MAF: variants seen among roughly 807,000 people sequenced by gnomAD.
MAF encodes the protein MAF bZIP transcription factor.
In MAF, 10 loss-of-function variants were observed where a neutral mutation model predicts 22.0. The observed-to-expected ratio is 0.45, with a 90% CI of 0.28 to 0.77. The LOEUF is 0.77. MAF is among the 30% of genes least tolerant of loss of function. The pLI, the probability that MAF is intolerant of heterozygous loss-of-function variation, is 0.12. For synonymous variants in MAF, 337 were observed against 255.8 expected, an observed-to-expected ratio of 1.32 and a Z score of -3.03; for missense variants, 544 against 548.4, an observed-to-expected ratio of 0.99 and a Z score of 0.08.
At chr16:79,577,010 T>C in the MAF span, among the ~76,000 whole-genome samples, 1 of 152,238 alleles carries the variant, frequency 6.6e-6, no homozygotes, top group South Asian at 2.1e-4. Flanking sequence ...GTGCACCTGA[T>C]ACTTTACACA....
At chr16:79,428,328 G>A in the MAF span, among the ~76,000 whole-genome samples, 1 of 152,090 alleles carries the variant, frequency 6.6e-6, no homozygotes, top group East Asian at 1.9e-4. Flanking sequence ...CCCTGGGGGT[G>A]GCAAGCACAC....
the MAF span, among the ~76,000 whole-genome samples, chr16:79,570,056 A>G: frequency 7.5e-6 from 1 of 133,740 alleles, no homozygotes; most frequent in African/African-American, 2.8e-5. Context: ...TGATTTATCT[A>G]AATTTCTTCA....
the MAF span, among the ~76,000 whole-genome samples, chr16:79,495,549 C>T: frequency 6.6e-6 from 1 of 152,104 alleles, no homozygotes; most frequent in Admixed American, 6.5e-5. Flanking sequence ...GGTCAGAGAC[C>T]ACATATAGAT....
the MAF span, among the ~76,000 whole-genome samples, chr16:79,532,269 G>T: frequency 2.0e-5 from 3 of 152,174 alleles, no homozygotes; most frequent in Admixed American, 6.5e-5. Context: ...AGGCAGGAGG[G>T]TTGAGAACAA....
the MAF span, among the ~76,000 whole-genome samples, chr16:79,381,803 G>A: frequency 1.3e-5 from 2 of 152,260 alleles, no homozygotes; most frequent in Admixed American, 6.5e-5. Context: ...GAACACATTG[G>A]CCCTGATTGG....
the MAF span, among the ~76,000 whole-genome samples, chr16:79,462,156 C>T: frequency 6.6e-6 from 1 of 152,160 alleles, no homozygotes; most frequent in African/African-American, 2.4e-5. Context: ...AAAGTGATAC[C>T]GATAATAATG....
At chr16:79,350,715 G>C in the MAF span, among the ~76,000 whole-genome samples, 1 of 152,200 alleles carries the variant, frequency 6.6e-6, no homozygotes, top group Non-Finnish European at 1.5e-5. Context: ...GAGACCCTGG[G>C]TATGGGAGGG....
At chr16:79,465,260 C>T in the MAF span, among the ~76,000 whole-genome samples, 1 of 152,144 alleles carries the variant, frequency 6.6e-6, no homozygotes, top group East Asian at 1.9e-4. Context: ...TTTTCATTAC[C>T]TTTCTGGATG....
At chr16:79,596,752 T>G in intron 1 of MAF, 1 of 1,045,306 alleles carries the variant, frequency 9.6e-7, no homozygotes, top group Non-Finnish European at 1.2e-6. Context: ...AACTGTGGAT[T>G]TTTTTTTAAG....
At chr16:79,396,603 G>A in the MAF span, among the ~76,000 whole-genome samples, 1 of 152,150 alleles carries the variant, frequency 6.6e-6, no homozygotes, top group South Asian at 2.1e-4. Context: ...ACCTCTCTGA[G>A]GCTCAAGTCC....
the MAF span, among the ~76,000 whole-genome samples, chr16:79,395,968 G>C: frequency 6.6e-6 from 1 of 152,196 alleles, no homozygotes; most frequent in Non-Finnish European, 1.5e-5. Context: ...GGCATTTGGA[G>C]ACTGAATAAT....
chr16:79,563,521 A>G, the MAF span, among the ~76,000 whole-genome samples: 1 of 150,506 alleles, frequency 6.6e-6, no homozygotes, highest in Middle Eastern at 3.4e-3. Flanking sequence ...AAAAAAAAAG[A>G]TTTGTGAAAT....
the MAF span, among the ~76,000 whole-genome samples, chr16:79,289,457 G>A: frequency 6.6e-6 from 1 of 152,210 alleles, no homozygotes; most frequent in Admixed American, 6.5e-5. Flanking sequence ...CCCACCGTGA[G>A]AGAAGGCAGA....
chr16:79,472,621 G>T, the MAF span, among the ~76,000 whole-genome samples: 1 of 152,244 alleles, frequency 6.6e-6, no homozygotes, highest in Admixed American at 6.5e-5. Flanking sequence ...TGGAGGCAGA[G>T]AAGAAATGGG....
the MAF span, among the ~76,000 whole-genome samples, chr16:79,367,443 CAG>C: frequency 6.6e-6 from 1 of 152,154 alleles, no homozygotes; most frequent in African/African-American, 2.4e-5. Context: ...TGTCTGCAGT[CAG>C]AACAAATTCA....
the MAF span, among the ~76,000 whole-genome samples, chr16:79,207,448 C>T: frequency 6.6e-6 from 1 of 152,242 alleles, no homozygotes; most frequent in African/African-American, 2.4e-5. Flanking sequence ...CTTGGTGTTC[C>T]AAGCCTAATC....
At chr16:79,210,879 C>T in the MAF span, among the ~76,000 whole-genome samples, 31 of 152,306 alleles carry the variant, frequency 2.0e-4, no homozygotes, top group Middle Eastern at 3.4e-3. Flanking sequence ...CTCTTTGCAA[C>T]TTACATTTTG....
downstream of MAF, among the ~76,000 whole-genome samples, chr16:79,590,113 A>G (rs555228136): frequency 1.2e-3 from 186 of 152,210 alleles, 1 homozygote; most frequent in Non-Finnish European, 6.0e-4. Flanking sequence ...TGCAGCCACC[A>G]GGCTCGGGCA....
At chr16:79,418,136 G>A in the MAF span, among the ~76,000 whole-genome samples, 1 of 152,216 alleles carries the variant, frequency 6.6e-6, no homozygotes, top group Non-Finnish European at 1.5e-5. Context: ...TTGCCAGCCT[G>A]AAGCCGGATG....
Sources: gnomAD v4.1 joint callset for allele counts (sites outside exome capture counted in the v4.1 genomes callset) on GRCh38, gnomAD v4.1.1 for gene constraint, MANE v1.5 for transcripts, NCBI Gene and HGNC (gene_info 2026-07-23, HGNC 2026-07-21) for gene names.